The following NSL1 variants were observed in gnomAD, a reference collection of about 807,000 sequenced individuals.
The protein encoded by NSL1 is NSL1 component of MIS12 kinetochore complex, also known as kinetochore-associated protein NSL1 homolog.
A neutral mutation model predicts 25.4 loss-of-function variants in NSL1; 11 were observed. The observed-to-expected ratio is 0.43, with a 90% CI of 0.27 to 0.72. NSL1 has a LOEUF of 0.72. Among genes scored for constraint, NSL1 ranks in the 30% least tolerant of loss-of-function variants. The pLI is 0.19. For synonymous variants in NSL1, 118 were observed against 120.6 expected (o/e 0.98, Z 0.14); for missense variants, 330 against 342.7 (o/e 0.96, Z 0.29).
intron 4 of NSL1, among the ~76,000 whole-genome samples, chr1:212,766,008 T>TGC: frequency 6.6e-6 from 1 of 150,448 alleles, no homozygotes; most frequent in South Asian, 2.1e-4. Context: ...TGGTGGCGGG[T>TGC]GCCTGTAGAC....
At position 212,727,486 on chromosome 1, in the gene NSL1, T is replaced by C. The variant is rs1657836845; in HGVS notation, c.*10922A>G. 3.1e-5 allele frequency: 31 copies of C among 985,304 alleles called. No homozygotes were observed. The highest frequency in any genetic ancestry group is 3.7e-5 in the Non-Finnish European group (31 of 829,912). 61.0% of individuals were successfully genotyped at this position (985,304 alleles called of 1,614,324 possible). On this transcript the variant is annotated 3_prime_UTR_variant, in exon 6 of 6. Coordinates refer to ENST00000366977, the MANE Select transcript of NSL1 (RefSeq NM_015471.4). Reference sequence around the variant, plus strand: ...TTCAAGCAGCAGTCAACTAAAACGATTCCTTTTGCAATTTAGGTTAATATC... The same window carrying C: ...TTCAAGCAGCAGTCAACTAAAACGACTCCTTTTGCAATTTAGGTTAATATC...
At chr1:212,750,169 T>C (rs1215273259) in intron 4 of NSL1, among the ~76,000 whole-genome samples, 1 of 151,736 alleles carries the variant, frequency 6.6e-6, no homozygotes, top group African/African-American at 2.4e-5. Flanking sequence ...TCAGTAGTCA[T>C]GATGGACCAA....
At chr1:212,791,140 A>G (rs1013599462) in intron 1 of NSL1, among the ~76,000 whole-genome samples, 3 of 152,160 alleles carry the variant, frequency 2.0e-5, no homozygotes, top group Non-Finnish European at 4.4e-5. Flanking sequence ...AATGCAGCAC[A>G]CCAGATTTGA....
At chr1:212,767,370 T>C (rs1163869056) in intron 4 of NSL1, among the ~76,000 whole-genome samples, 3 of 152,060 alleles carry the variant, frequency 2.0e-5, no homozygotes, top group Non-Finnish European at 2.9e-5. Context: ...AAGCCACATG[T>C]AGAAGAATGA....
At position 212,727,980 on chromosome 1, in the gene NSL1, A is replaced by T; in HGVS notation, c.*10428T>A. 1 of 985,416 alleles carries T rather than the reference A, an allele frequency of 1.0e-6. No homozygotes were observed. Among genetic ancestry groups the T allele is most frequent in the Non-Finnish European group, 1.2e-6 (1 of 829,926 alleles). 61.0% of individuals were successfully genotyped at this position (985,416 alleles called of 1,614,324 possible). A position where few individuals can be genotyped will look rare whatever the true frequency, so the allele number is the denominator to read the frequency against. On this transcript the variant is annotated 3_prime_UTR_variant, in exon 6 of 6. Coordinates refer to ENST00000366977, the MANE Select transcript of NSL1 (RefSeq NM_015471.4). ...ACTCTGGACAAGGCCTTTGCTGTGA[A>T]CCACGGGGAGAAGGTGGAAGCAGAG... is the stretch of plus-strand genomic sequence containing the variant.
Position 212,736,266 on chromosome 1 carries a change from T to G in NSL1, c.*2142A>C. On this transcript the variant is annotated 3_prime_UTR_variant, in exon 6 of 6. Transcript: ENST00000366977. The stretch of plus-strand genomic sequence containing the variant: ...TTGCCCAGGCTGGGCTCAAGTAATC[T>G]GTCCACTTCAGCCTCCCAAAGTGCT... 1 of 822,160 alleles carries G rather than the reference T, an allele frequency of 1.2e-6. No homozygotes were observed. Among genetic ancestry groups the G allele is most frequent in the Non-Finnish European group, 1.5e-6 (1 of 681,198 alleles). 50.9% of individuals were successfully genotyped at this position (822,160 alleles called of 1,614,324 possible).
At chr1:212,776,116 G>A (rs1020846234) in intron 4 of NSL1, among the ~76,000 whole-genome samples, 18 of 152,118 alleles carry the variant, frequency 1.2e-4, no homozygotes, top group Admixed American at 7.9e-4. Flanking sequence ...CGCCCAGCCC[G>A]TAAATTGTGT....
chr1:212,788,055 G>T (rs1358828080), intron 1 of NSL1, among the ~76,000 whole-genome samples: 1 of 152,220 alleles, frequency 6.6e-6, no homozygotes, highest in Non-Finnish European at 1.5e-5. Flanking sequence ...ATAAAGGGCT[G>T]TATTTTTGAG....
At position 212,730,569 on chromosome 1, in the gene NSL1, T is replaced by G. The variant is rs372092043; in HGVS notation, c.*7839A>C. The stretch of plus-strand genomic sequence containing the variant: ...GGAGCAGAAGACCTGCAGGGAGAAG[T>G]TGAATTTTCTTCTCTAGCTATCCCA... On this transcript the variant is annotated 3_prime_UTR_variant, in exon 6 of 6. Coordinates refer to ENST00000366977, the MANE Select transcript of NSL1 (RefSeq NM_015471.4). The G allele has an allele frequency of 1.0e-6, 1 of 985,234 alleles. No homozygotes were observed. 61.0% of individuals were successfully genotyped at this position (985,234 alleles called of 1,614,324 possible).
chr1:212,730,863 A>T lies in NSL1; in HGVS notation c.*7545T>A, dbSNP rs1657984958. 1.0e-6 allele frequency: 1 copy of T among 985,294 alleles called. No homozygotes were observed. Among genetic ancestry groups the T allele is most frequent in the Non-Finnish European group, 1.2e-6 (1 of 829,926 alleles). The allele number at this position is 985,294 out of a possible 1,614,324, so 61.0% of individuals were successfully genotyped here. A position where few individuals can be genotyped will look rare whatever the true frequency, so the allele number is the denominator to read the frequency against. On this transcript the variant is annotated 3_prime_UTR_variant, in exon 6 of 6. Coordinates refer to ENST00000366977, the MANE Select transcript of NSL1 (RefSeq NM_015471.4). ...ACTCACCTTCTAAGTTCAATTAATA[A>T]TGAATATAAATGCCACAAGCCATTA...
chr1:212,790,039 A>T (rs927468071), intron 1 of NSL1, among the ~76,000 whole-genome samples: 1 of 151,320 alleles, frequency 6.6e-6, no homozygotes, highest in African/African-American at 2.4e-5. Context: ...TTTGAGATGG[A>T]GTCTCGCTCT....
rs1657966006 is a variant in NSL1 at position 212,730,292 on chromosome 1, T to C, written c.*8116A>G. ...AAATGCGCCAAGTCTCAGGTATTTA[T>C]GGACTGGTGAAGAGTTGTGTGGAGG... On this transcript the variant is annotated 3_prime_UTR_variant, in exon 6 of 6. Coordinates refer to ENST00000366977, the MANE Select transcript of NSL1 (RefSeq NM_015471.4). The C allele has an allele frequency of 6.1e-6, 6 of 980,588 alleles. No homozygotes were observed. The highest frequency in any genetic ancestry group is 7.2e-6 in the Non-Finnish European group (6 of 829,116). The allele number at this position is 980,588 out of a possible 1,614,324, so 60.7% of individuals were successfully genotyped here.
Position 212,730,419 on chromosome 1 carries a change from C to G in NSL1, c.*7989G>C. The stretch of plus-strand genomic sequence containing the variant: ...GGCCACAGAGCTACATGAATGGGCA[C>G]CAAGGGAGGTCTTAAAATCTGCAAC... On this transcript the variant is annotated 3_prime_UTR_variant, in exon 6 of 6. Coordinates refer to ENST00000366977, the MANE Select transcript of NSL1 (RefSeq NM_015471.4). 1.0e-6 allele frequency: 1 copy of G among 985,060 alleles called. No individual in the cohort carries two copies. The highest frequency in any genetic ancestry group is 1.2e-6 in the Non-Finnish European group (1 of 829,882). The allele number at this position is 985,060 out of a possible 1,614,324, so 61.0% of individuals were successfully genotyped here. A position where few individuals can be genotyped will look rare whatever the true frequency, so the allele number is the denominator to read the frequency against.
At chr1:212,780,605 A>G (rs1338393451) in intron 4 of NSL1, among the ~76,000 whole-genome samples, 1 of 152,150 alleles carries the variant, frequency 6.6e-6, no homozygotes, top group Non-Finnish European at 1.5e-5. Context: ...GGTTCCCACA[A>G]AAGTTTTCCT....
rs59259608 is a variant in NSL1, at chr1:212,754,769, C to CAAAAAAA, written c.500-15175_500-15169dup. Among the ~76,000 whole-genome samples, 86 of 71,314 alleles carry CAAAAAAA rather than the reference C, an allele frequency of 1.2e-3. 2 individuals are homozygous for CAAAAAAA. Among genetic ancestry groups the CAAAAAAA allele is most frequent in the African/African-American group, 3.8e-3 (63 of 16,420 alleles). 46.8% of individuals were successfully genotyped at this position (71,314 alleles called of 152,430 possible). A position where few individuals can be genotyped will look rare whatever the true frequency, so the allele number is the denominator to read the frequency against. Reference sequence around the variant, plus strand: ...GGGCAACAAGAGTAAAATTCTGTCTCAAAAAAAAAAAAAAAACCAACTCAA... The same window carrying CAAAAAAA: ...GGGCAACAAGAGTAAAATTCTGTCTCAAAAAAAAAAAAAAAAAAAAAAACCAACTCAA... On this transcript the variant is annotated intron_variant, in intron 4 of 5. Transcript: ENST00000366977.
At chr1:212,786,133 T>G (rs61829243) in intron 2 of NSL1, among the ~76,000 whole-genome samples, 2,904 of 79,100 alleles carry the variant, frequency 0.037, 86 homozygotes, top group African/African-American at 0.076. Flanking sequence ...GATAGATAGA[T>G]AGAGAGAGAG....
In NSL1 at chr1:212,729,845, T is replaced by C. The variant is rs1177853293; in HGVS notation, c.*8563A>G. On this transcript the variant is annotated 3_prime_UTR_variant, in exon 6 of 6. Coordinates refer to ENST00000366977, the MANE Select transcript of NSL1 (RefSeq NM_015471.4). The stretch of plus-strand genomic sequence containing the variant: ...CAGCTGGTGCTGCAAAGGGCAGTGA[T>C]GTGTGGACGAAGGGGTTGCTGGGGT... 4.1e-6 allele frequency: 4 copies of C among 985,192 alleles called. No individual in the cohort carries two copies. The highest frequency in any genetic ancestry group is 1.1e-4 in the East Asian group (1 of 8,816). The allele number at this position is 985,192 out of a possible 1,614,324, so 61.0% of individuals were successfully genotyped here.
chr1:212,782,864 T>C (rs894555388), intron 3 of NSL1, among the ~76,000 whole-genome samples: 19 of 152,176 alleles, frequency 1.2e-4, no homozygotes, highest in African/African-American at 4.3e-4. Context: ...ACTAAGCCTA[T>C]ATATCCTGCG....
intron 4 of NSL1, among the ~76,000 whole-genome samples, chr1:212,755,270 A>G (rs1486624846): frequency 6.6e-6 from 1 of 152,124 alleles, no homozygotes; most frequent in Non-Finnish European, 1.5e-5. Context: ...AAAAACATAA[A>G]ATACAAAAAT....
Sources: allele counts gnomAD v4.1 joint callset (sites outside exome capture counted in the v4.1 genomes callset), GRCh38; gene constraint gnomAD v4.1.1; transcripts MANE v1.5; gene names NCBI Gene and HGNC (gene_info 2026-07-23, HGNC 2026-07-21).